The following GRK3 variants were observed in gnomAD, a reference collection of about 807,000 sequenced individuals.
The protein encoded by GRK3 is adrenergic, beta, receptor kinase 2.
A neutral mutation model predicts 95.7 loss-of-function variants in GRK3; 54 were observed. The observed-to-expected ratio is 0.56, with a 90% CI of 0.45 to 0.71. The LOEUF (loss-of-function observed/expected upper bound fraction) is 0.71, where lower values mean the gene tolerates loss of function less well. GRK3 is among the 30% of genes least tolerant of loss of function. The pLI, the probability that GRK3 is intolerant of heterozygous loss-of-function variation, is 0.00. For synonymous variants in GRK3, 281 were observed against 290.8 expected, an observed-to-expected ratio of 0.97 and a Z score of 0.34; for missense variants, 649 against 851.2, an observed-to-expected ratio of 0.76 and a Z score of 2.96.
At chr22:25,658,784 G>C (rs1341739914) in intron 3 of GRK3, among the ~76,000 whole-genome samples, 1 of 152,124 alleles carries the variant, frequency 6.6e-6, no homozygotes, top group East Asian at 1.9e-4. Flanking sequence ...TGGCGAAAGA[G>C]TGGAATCACT....
chr22:25,701,345 T>A (rs969557123), intron 13 of GRK3, among the ~76,000 whole-genome samples: 1 of 152,252 alleles, frequency 6.6e-6, no homozygotes, highest in African/African-American at 2.4e-5. Flanking sequence ...AGTCTTTGGC[T>A]TTGTTCACAA....
At chr22:25,649,336 C>T in intron 3 of GRK3, 1 of 642,730 alleles carries the variant, frequency 1.6e-6, no homozygotes, top group Non-Finnish European at 2.7e-6. Context: ...TTACTCTGCA[C>T]ATTTTTAATG....
chr22:25,572,986 T>G (rs1247443162), intron 1 of GRK3, among the ~76,000 whole-genome samples: 1 of 152,232 alleles, frequency 6.6e-6, no homozygotes, highest in East Asian at 1.9e-4. Flanking sequence ...TTGATGAGCA[T>G]CTTTGGAAAC....
At chr22:25,566,256 C>A (rs1426670748) in intron 1 of GRK3, among the ~76,000 whole-genome samples, 1 of 152,124 alleles carries the variant, frequency 6.6e-6, no homozygotes, top group South Asian at 2.1e-4. Flanking sequence ...GAATTTGAAA[C>A]CATGCAATTC....
chr22:25,649,349 A>G lies in GRK3; in HGVS notation c.264+4684A>G, dbSNP rs2084811185. On this transcript the variant is annotated intron_variant, in intron 3 of 20. Transcript: ENST00000324198. Reference sequence around the variant, plus strand: ...CTTTACTCTGCACATTTTTAATGGTAAACTGGAGTCCCAGATATGGTTCCA... The same window carrying G: ...CTTTACTCTGCACATTTTTAATGGTGAACTGGAGTCCCAGATATGGTTCCA... 3 of 614,292 alleles carry G rather than the reference A, an allele frequency of 4.9e-6. No individual in the cohort carries two copies. In the South Asian group the frequency reaches 6.4e-5, roughly 13 times the overall value. 38.1% of individuals were successfully genotyped at this position (614,292 alleles called of 1,614,324 possible).
At chr22:25,650,361 A>G (rs1376641543) in intron 3 of GRK3, among the ~76,000 whole-genome samples, 3 of 152,168 alleles carry the variant, frequency 2.0e-5, no homozygotes, top group African/African-American at 4.8e-5. Context: ...AAACTGTACT[A>G]TCCAATCCAA....
At chr22:25,709,462 G>C (rs748435039) in intron 15 of GRK3, among the ~76,000 whole-genome samples, 1 of 152,166 alleles carries the variant, frequency 6.6e-6, no homozygotes, top group Non-Finnish European at 1.5e-5. Flanking sequence ...GAGTAAATGT[G>C]GTGCTTCACA....
chr22:25,716,957 T>A (rs375413714), intron 18 of GRK3, among the ~76,000 whole-genome samples: 2 of 152,182 alleles, frequency 1.3e-5, no homozygotes, highest in Non-Finnish European at 1.5e-5. Context: ...GTGCTCCTTA[T>A]GAGAATCGAA....
chr22:25,633,086 T>C (rs1326234392), intron 2 of GRK3, among the ~76,000 whole-genome samples: 6 of 151,842 alleles, frequency 4.0e-5, no homozygotes, highest in Non-Finnish European at 8.8e-5. Flanking sequence ...AATTTTTTTT[T>C]TTGTATTTTT....
chr22:25,599,591 C>CAA (rs35202175), intron 1 of GRK3, among the ~76,000 whole-genome samples: 1 of 82,372 alleles, frequency 1.2e-5, no homozygotes, highest in Non-Finnish European at 2.9e-5. Flanking sequence ...GACTCTGTCT[C>CAA]AAAAAAAAAA....
intron 2 of GRK3, among the ~76,000 whole-genome samples, chr22:25,639,388 A>G (rs2084726917): frequency 6.6e-6 from 1 of 152,156 alleles, no homozygotes; most frequent in South Asian, 2.1e-4. Flanking sequence ...AATTCCTTTC[A>G]TCTTTTTCCC....
At chr22:25,591,417 G>C (rs1306098724) in intron 1 of GRK3, among the ~76,000 whole-genome samples, 1 of 151,998 alleles carries the variant, frequency 6.6e-6, no homozygotes. Flanking sequence ...GAAAGCTTTG[G>C]GTGTTGGTGA....
chr22:25,675,270 G>T (rs534183419), intron 8 of GRK3, among the ~76,000 whole-genome samples: 7 of 152,300 alleles, frequency 4.6e-5, no homozygotes, highest in South Asian at 4.1e-4. Context: ...ATGCTGGTTC[G>T]CTAGATCAGT....
chr22:25,588,976 G>T (rs531939303), intron 1 of GRK3, among the ~76,000 whole-genome samples: 1 of 152,072 alleles, frequency 6.6e-6, no homozygotes, highest in South Asian at 2.1e-4. Context: ...TCGCTATGTT[G>T]CCCAGGCAGT....
chr22:25,585,453 C>A (rs895471784), intron 1 of GRK3, among the ~76,000 whole-genome samples: 1 of 152,136 alleles, frequency 6.6e-6, no homozygotes, highest in African/African-American at 2.4e-5. Context: ...ATTATCAATT[C>A]TAAAGCTGAA....
intron 5 of GRK3, among the ~76,000 whole-genome samples, chr22:25,665,707 G>A (rs904470715): frequency 6.6e-6 from 1 of 152,144 alleles, no homozygotes; most frequent in African/African-American, 2.4e-5. Context: ...TACCATCAGA[G>A]CATAATGACT....
intron 2 of GRK3, among the ~76,000 whole-genome samples, chr22:25,626,439 G>A (rs1218736360): frequency 6.6e-6 from 1 of 152,168 alleles, no homozygotes; most frequent in East Asian, 1.9e-4. Context: ...GAGTGAGAGG[G>A]AGTGTTCACT....
chr22:25,633,653 T>C (rs547192068), intron 2 of GRK3, among the ~76,000 whole-genome samples: 1 of 152,290 alleles, frequency 6.6e-6, no homozygotes, highest in South Asian at 2.1e-4. Flanking sequence ...GTACCATATA[T>C]ATGAATACAT....
At chr22:25,626,500 A>G (rs184195876) in intron 2 of GRK3, among the ~76,000 whole-genome samples, 1 of 152,318 alleles carries the variant, frequency 6.6e-6, no homozygotes, top group African/African-American at 2.4e-5. Context: ...CCGGGATGCT[A>G]TTAAGGCACT....
Sources: allele counts gnomAD v4.1 joint callset (sites outside exome capture counted in the v4.1 genomes callset), GRCh38; gene constraint gnomAD v4.1.1; transcripts MANE v1.5; gene names NCBI Gene and HGNC (gene_info 2026-07-23, HGNC 2026-07-21).